Variants in C12orf60 observed in about 807,000 individuals in gnomAD.
The protein encoded by C12orf60 is uncharacterized protein C12orf60.
For synonymous variants in C12orf60, 102 were observed against 94.6 expected (o/e 1.08, Z -0.45); for missense variants, 284 against 283.2 (o/e 1.00, Z -0.02).
chr12:14,818,220 C>A (rs1467778478), intron 1 of C12orf60, among the ~76,000 whole-genome samples: 1 of 152,156 alleles, frequency 6.6e-6, no homozygotes, highest in East Asian at 1.9e-4. Flanking sequence ...AGATATTAGA[C>A]CTTTATCATG....
chr12:14,803,683 T>G lies in C12orf60; in HGVS notation c.-93T>G, dbSNP rs958862249. On this transcript the variant is annotated 5_prime_UTR_variant, in exon 1 of 2. Coordinates refer to ENST00000330828, the MANE Select transcript of C12orf60 (RefSeq NM_175874.4). ...ACAATAGGAATTAGAAGAAGATAGC[T>G]GCTAACTGAGTGGCTGACGGTCCTG... 4.3e-4 allele frequency: 168 copies of G among 392,326 alleles called. No homozygotes were observed. The highest frequency in any genetic ancestry group is 3.0e-3 in the African/African-American group (147 of 48,620). 24.3% of individuals were successfully genotyped at this position (392,326 alleles called of 1,614,324 possible). A position where few individuals can be genotyped will look rare whatever the true frequency, so the allele number is the denominator to read the frequency against.
chr12:14,814,706 A>G (rs1009703790), intron 1 of C12orf60, among the ~76,000 whole-genome samples: 1 of 152,080 alleles, frequency 6.6e-6, no homozygotes. Context: ...TTGTCTTGAC[A>G]ATATAAAAAC....
chr12:14,805,573 C>T (rs1455872725), intron 1 of C12orf60: 1 of 155,996 alleles, frequency 6.4e-6, no homozygotes, highest in East Asian at 1.9e-4. Context: ...GAGTTTGTGT[C>T]TAGGCAGAAG....
intron 1 of C12orf60, among the ~76,000 whole-genome samples, chr12:14,812,170 C>T (rs531219507): frequency 3.3e-5 from 5 of 152,302 alleles, no homozygotes; most frequent in East Asian, 1.9e-4. Context: ...TTTGGCCGGG[C>T]GTGGTGGCTC....
chr12:14,804,436 C>A (rs1051564769), intron 1 of C12orf60, among the ~76,000 whole-genome samples: 1 of 152,164 alleles, frequency 6.6e-6, no homozygotes, highest in African/African-American at 2.4e-5. Flanking sequence ...ATAAATATTT[C>A]AAAATATTGA....
intron 1 of C12orf60, among the ~76,000 whole-genome samples, chr12:14,807,919 A>G (rs1950078591): frequency 6.6e-6 from 1 of 152,152 alleles, no homozygotes; most frequent in African/African-American, 2.4e-5. Context: ...TAATCCCAGC[A>G]CTTTGGGAGG....
At chr12:14,806,334 A>T in intron 1 of C12orf60, 4 of 1,614,150 alleles carry the variant, frequency 2.5e-6, no homozygotes, top group Non-Finnish European at 3.4e-6. Flanking sequence ...GACCGAAATA[A>T]CCTTTTGCAC....
In C12orf60 at chr12:14,823,647, G is replaced by A; in HGVS notation, c.712G>A (p.Val238Met). Residue 238 changes from valine to methionine, a missense_variant, in exon 2 of 2, where the codon GTG (valine) becomes ATG (methionine). Transcript: ENST00000330828. The part of the protein sequence containing the change: ...AIKTMEMNIS[V>M]FKKASDK ...AAAGACTATGGAAATGAATATTTCTGTGTTTAAGAAAGCCAGTGACAAGTA... is the reference window on the plus strand; with the variant it reads ...AAAGACTATGGAAATGAATATTTCTATGTTTAAGAAAGCCAGTGACAAGTA... The A allele has an allele frequency of 6.4e-7, 1 of 1,574,464 alleles. No homozygotes were observed. Among genetic ancestry groups the A allele is most frequent in the East Asian group, 2.2e-5 (1 of 44,510 alleles).
At chr12:14,816,591 A>G (rs907615990) in intron 1 of C12orf60, among the ~76,000 whole-genome samples, 7 of 152,092 alleles carry the variant, frequency 4.6e-5, no homozygotes, top group African/African-American at 1.4e-4. Flanking sequence ...ATTTTCCAGT[A>G]TTTATAATCT....
intron 1 of C12orf60, among the ~76,000 whole-genome samples, chr12:14,814,878 G>C (rs1456868014): frequency 6.6e-6 from 1 of 152,094 alleles, no homozygotes; most frequent in Admixed American, 6.6e-5. Flanking sequence ...AAGACAGCAG[G>C]CTTTACACTC....
intron 1 of C12orf60, among the ~76,000 whole-genome samples, chr12:14,816,746 C>CTTT (rs11430871): frequency 3.6e-5 from 5 of 138,028 alleles, no homozygotes; most frequent in Admixed American, 7.3e-5. Context: ...TATATTTTCT[C>CTTT]TTTTTTTTTT....
intron 1 of C12orf60, among the ~76,000 whole-genome samples, chr12:14,815,470 T>C (rs1160927920): frequency 6.6e-6 from 1 of 152,206 alleles, no homozygotes; most frequent in African/African-American, 2.4e-5. Context: ...CTGCTGGTGA[T>C]ACAGGGTGTA....
intron 1 of C12orf60, among the ~76,000 whole-genome samples, chr12:14,812,927 A>T (rs147622093): frequency 1.6e-3 from 249 of 152,266 alleles, no homozygotes; most frequent in Admixed American, 2.8e-3. Context: ...ATTTGGGAAG[A>T]GTAAGGTTAA....
At chr12:14,805,493 G>C (rs1950033751) in intron 1 of C12orf60, 2 of 152,868 alleles carry the variant, frequency 1.3e-5, no homozygotes, top group African/African-American at 4.8e-5. Context: ...GTCTCTTCTA[G>C]TTTACAGAAA....
At chr12:14,814,888 C>CA (rs1950193396) in intron 1 of C12orf60, among the ~76,000 whole-genome samples, 1 of 152,316 alleles carries the variant, frequency 6.6e-6, no homozygotes, top group Non-Finnish European at 1.5e-5. Flanking sequence ...GCTTTACACT[C>CA]AGACAGTCCT....
intron 1 of C12orf60, among the ~76,000 whole-genome samples, chr12:14,814,346 A>T (rs1950185783): frequency 6.6e-6 from 1 of 152,216 alleles, no homozygotes; most frequent in East Asian, 1.9e-4. Context: ...CTTAGTATAC[A>T]GTATTAAGTT....
intron 1 of C12orf60, among the ~76,000 whole-genome samples, chr12:14,810,924 G>A (rs1297793011): frequency 6.6e-6 from 1 of 152,146 alleles, no homozygotes; most frequent in Admixed American, 6.5e-5. Flanking sequence ...TTGTTACTCA[G>A]GCAAGCTTCA....
intron 1 of C12orf60, among the ~76,000 whole-genome samples, chr12:14,822,667 C>T (rs867387984): frequency 3.9e-5 from 6 of 152,122 alleles, no homozygotes; most frequent in African/African-American, 7.2e-5. Context: ...TCCATATATT[C>T]GGGATCCAGC....
At chr12:14,813,621 T>C (rs1330253111) in intron 1 of C12orf60, among the ~76,000 whole-genome samples, 1 of 152,242 alleles carries the variant, frequency 6.6e-6, no homozygotes, top group Admixed American at 6.5e-5. Context: ...CTCAAGACGA[T>C]AACAGCCTGT....
Sources: allele counts gnomAD v4.1 joint callset (sites outside exome capture counted in the v4.1 genomes callset), GRCh38; gene constraint gnomAD v4.1.1; transcripts MANE v1.5; gene names NCBI Gene and HGNC (gene_info 2026-07-23, HGNC 2026-07-21).